Variants in ZNF407 observed in about 807,000 individuals in gnomAD.
ZNF407 encodes zinc finger protein 407.
A neutral mutation model predicts 131.2 loss-of-function variants in ZNF407; 17 were observed. The observed-to-expected ratio is 0.13, with a 90% CI of 0.09 to 0.19. ZNF407 has a LOEUF of 0.19. ZNF407 is among the 10% of genes least tolerant of loss of function. The probability of loss-of-function intolerance (pLI) is 1.00; values close to 1 mark genes in which losing one functional copy is unlikely to be tolerated. For missense variants in ZNF407, 2,681 were observed against 2,830.6 expected (o/e 0.95, Z 1.20); for synonymous variants, 1,156 against 1,062.0 (o/e 1.09, Z -1.72).
In ZNF407 at chr18:75,063,130, C is replaced by T; in HGVS notation, c.5429-20C>T. 6.5e-7 allele frequency: 1 copy of T among 1,540,448 alleles called. No individual in the cohort carries two copies. The highest frequency in any genetic ancestry group is 8.8e-7 in the Non-Finnish European group (1 of 1,142,440). ...TACGAGTACTTTTTCCAGGCTCTAA[C>T]TGGTCCCTGTCTCCCTTAGGCATTG... On this transcript the variant is annotated intron_variant, in intron 8 of 8. Transcript: ENST00000299687. This position sits in a 1 kb window ranked among gnomAD's most constrained non-coding sequence, Gnocchi z 6.6.
At chr18:75,051,350 C>T (rs1973498427) in intron 8 of ZNF407, among the ~76,000 whole-genome samples, 1 of 152,222 alleles carries the variant, frequency 6.6e-6, no homozygotes, top group Non-Finnish European at 1.5e-5. Flanking sequence ...CGAGTGCATT[C>T]TTCCTGTGCT....
At chr18:74,657,901 TTTC>T (rs58407278) in intron 3 of ZNF407, among the ~76,000 whole-genome samples, 16,278 of 147,632 alleles carry the variant, frequency 0.11, 1,003 homozygotes, top group African/African-American at 0.13. Context: ...CTCCTTTTCC[TTTC>T]TTCTTCTTCT....
intron 8 of ZNF407, among the ~76,000 whole-genome samples, chr18:74,962,395 A>T (rs923478540): frequency 1.3e-5 from 2 of 152,374 alleles, no homozygotes; most frequent in Admixed American, 1.3e-4. Flanking sequence ...CATCTGTCAG[A>T]TGCATACTGA....
At chr18:74,912,309 A>G (rs1971685017) in intron 7 of ZNF407, among the ~76,000 whole-genome samples, 1 of 152,094 alleles carries the variant, frequency 6.6e-6, no homozygotes, top group Admixed American at 6.5e-5. Context: ...ATACCAGCTG[A>G]CAACCACTGT....
At chr18:74,918,669 T>C (rs2145238387) in intron 7 of ZNF407, among the ~76,000 whole-genome samples, 1 of 152,310 alleles carries the variant, frequency 6.6e-6, no homozygotes, top group South Asian at 2.1e-4. Context: ...CCAAAGCAAG[T>C]TGAAAATAGC....
intron 7 of ZNF407, among the ~76,000 whole-genome samples, chr18:74,894,159 G>A (rs1050368599): frequency 2.0e-5 from 3 of 151,994 alleles, no homozygotes; most frequent in Non-Finnish European, 2.9e-5. Context: ...AAATGTAAAC[G>A]TGTACCTCCT....
At chr18:74,797,035 A>G (rs1439129030) in intron 4 of ZNF407, among the ~76,000 whole-genome samples, 2 of 152,194 alleles carry the variant, frequency 1.3e-5, no homozygotes, top group African/African-American at 4.8e-5. Context: ...ACTGGGGACG[A>G]GAAGAAGCAA....
chr18:74,690,583 A>C (rs1420355347), intron 3 of ZNF407, among the ~76,000 whole-genome samples: 7 of 152,090 alleles, frequency 4.6e-5, no homozygotes, highest in African/African-American at 1.7e-4. Flanking sequence ...CATATCCTTG[A>C]GATTTGAAGT....
rs183815209 is a variant in ZNF407 at position 75,063,310 on chromosome 18, G to A, written c.5589G>A (p.Val1863=). 386 of 1,613,664 alleles carry A rather than the reference G, an allele frequency of 2.4e-4. No individual in the cohort carries two copies. In the African/African-American group the frequency reaches 4.8e-3, roughly 20 times the overall value. ...GGCCAGCGCCGCCCCCTGAGCAGGT[G>A]CAGCAGGTCATCATCTTCCAGGGCT... ...SRRPAPPPEQ[V]QQVIIFQGYD... The change falls in exon 9 of 9, where the codon GTG becomes GTA. Residue 1863 remains valine, a synonymous_variant. Coordinates refer to ENST00000299687, the MANE Select transcript of ZNF407 (RefSeq NM_017757.3). The surrounding 1 kb of genome is among the most constrained non-coding windows in gnomAD (Gnocchi z 6.6).
At chr18:74,840,940 G>A (rs976664166) in intron 4 of ZNF407, among the ~76,000 whole-genome samples, 2 of 152,204 alleles carry the variant, frequency 1.3e-5, no homozygotes, top group Non-Finnish European at 2.9e-5. Context: ...GATGCTGAAA[G>A]TGAGAACACA....
At chr18:75,044,946 A>G (rs1184770445) in intron 8 of ZNF407, among the ~76,000 whole-genome samples, 1 of 152,234 alleles carries the variant, frequency 6.6e-6, no homozygotes, top group Non-Finnish European at 1.5e-5. Context: ...AAATTCCATT[A>G]CAGCAAAGAA....
chr18:74,752,975 A>G (rs1456185385), intron 3 of ZNF407, among the ~76,000 whole-genome samples: 2 of 152,218 alleles, frequency 1.3e-5, no homozygotes, highest in Admixed American at 1.3e-4. Flanking sequence ...CAGTATGGCC[A>G]TTTTCATGGT....
chr18:74,729,894 T>C (rs1968253591), intron 3 of ZNF407, among the ~76,000 whole-genome samples: 1 of 152,230 alleles, frequency 6.6e-6, no homozygotes, highest in African/African-American at 2.4e-5. Flanking sequence ...AGAGGTAATT[T>C]GATCATAGAA....
intron 1 of ZNF407, among the ~76,000 whole-genome samples, chr18:74,622,894 G>A (rs1289337889): frequency 6.4e-5 from 1 of 15,700 alleles, no homozygotes; most frequent in Non-Finnish European, 1.1e-4. Flanking sequence ...CTACAAGTGC[G>A]TGTCTGTTTT....
In ZNF407 at chr18:74,635,455, T is replaced by G; in HGVS notation, c.4436T>G (p.Leu1479Arg). The G allele has an allele frequency of 6.2e-7, 1 of 1,613,366 alleles. No homozygotes were observed. The highest frequency in any genetic ancestry group is 8.5e-7 in the Non-Finnish European group (1 of 1,179,564). ...AATGAGCAGGCCAGTGTGGAGGAGC[T>G]TCCGGAGGGAGGGGCCACCTTTAAA... Reference protein sequence around the residue: ...MRNEQASVEELPEGGATFKCV... With the variant: ...MRNEQASVEERPEGGATFKCV... The change falls in exon 2 of 9, where the codon CTT becomes CGT. Residue 1479 changes from leucine to arginine, a missense_variant. Physicochemically the swap from Leu to Arg is moderately radical, Grantham distance 102. Around this residue, in one of 6 missense-constraint regions of ZNF407, gnomAD observed 213 missense variants for 332.2 expected, o/e 0.64. Transcript: ENST00000299687. This position sits in a 1 kb window ranked among gnomAD's most constrained non-coding sequence, Gnocchi z 4.7.
At chr18:74,712,226 G>A (rs748814857) in intron 3 of ZNF407, among the ~76,000 whole-genome samples, 64 of 152,180 alleles carry the variant, frequency 4.2e-4, no homozygotes, top group Non-Finnish European at 7.1e-4. Context: ...AGAATTAGAA[G>A]TCTTGGGTTC....
chr18:74,923,463 C>T (rs367783415), intron 8 of ZNF407, among the ~76,000 whole-genome samples: 2 of 151,996 alleles, frequency 1.3e-5, no homozygotes, highest in East Asian at 1.9e-4. Context: ...ATTTTTGAGA[C>T]ACATTAGGAA....
intron 3 of ZNF407, among the ~76,000 whole-genome samples, chr18:74,719,870 G>A (rs562079252): frequency 6.6e-6 from 1 of 152,224 alleles, no homozygotes; most frequent in Admixed American, 6.5e-5. Context: ...ACTCCATTGC[G>A]TATATTCACC....
At chr18:74,822,518 G>A (rs1171492661) in intron 4 of ZNF407, among the ~76,000 whole-genome samples, 2 of 152,158 alleles carry the variant, frequency 1.3e-5, no homozygotes, top group African/African-American at 4.8e-5. Flanking sequence ...TTATTAAATA[G>A]GGAACCTTTT....
Sources: allele counts gnomAD v4.1 joint callset (sites outside exome capture counted in the v4.1 genomes callset), GRCh38; gene constraint gnomAD v4.1.1; regional missense constraint gnomAD v4.1.1; non-coding constraint Gnocchi (gnomAD v3.1); transcripts MANE v1.5; gene names NCBI Gene and HGNC (gene_info 2026-07-23, HGNC 2026-07-21).